Variants in CCSER1 observed in about 807,000 individuals in gnomAD.
The protein encoded by CCSER1 is coiled-coil serine rich protein 1, also known as serine-rich coiled-coil domain-containing protein 1.
CCSER1 carries 41 observed loss-of-function variants against 82.0 expected under a neutral mutation model. The observed-to-expected ratio is 0.50, with a 90% CI of 0.39 to 0.65. The LOEUF (loss-of-function observed/expected upper bound fraction) is 0.65. Among genes scored for constraint, CCSER1 ranks in the 30% least tolerant of loss-of-function variants. The pLI is 0.00. For synonymous variants in CCSER1, 414 were observed against 383.9 expected (o/e 1.08, Z -0.92); for missense variants, 1,119 against 1,064.2 (o/e 1.05, Z -0.72).
chr4:91,075,940 C>A (rs563461655), intron 9 of CCSER1, among the ~76,000 whole-genome samples: 27 of 152,206 alleles, frequency 1.8e-4, no homozygotes, highest in African/African-American at 6.3e-4. Context: ...ACAGTTGATA[C>A]TTCCCTAACA....
chr4:91,012,481 G>A (rs1739072618), intron 9 of CCSER1, among the ~76,000 whole-genome samples: 1 of 88,544 alleles, frequency 1.1e-5, no homozygotes, highest in Non-Finnish European at 3.1e-5. Flanking sequence ...TTTCAACTCA[G>A]TCCTGAGGGA....
chr4:90,554,461 G>A (rs1223251802), intron 5 of CCSER1, among the ~76,000 whole-genome samples: 5 of 152,144 alleles, frequency 3.3e-5, no homozygotes, highest in Non-Finnish European at 5.9e-5. Flanking sequence ...TTTAAATACC[G>A]AAAATATTTC....
At chr4:91,587,301 T>C (rs535567887) in intron 10 of CCSER1, among the ~76,000 whole-genome samples, 2 of 151,848 alleles carry the variant, frequency 1.3e-5, no homozygotes, top group South Asian at 2.1e-4. Context: ...CTGTTGAAAA[T>C]ACAGAAGACA....
intron 10 of CCSER1, among the ~76,000 whole-genome samples, chr4:91,271,070 A>G (rs1247285916): frequency 6.6e-6 from 1 of 152,084 alleles, no homozygotes; most frequent in African/African-American, 2.4e-5. Context: ...ATATATTAAT[A>G]TATTAAATAT....
At chr4:91,525,724 G>A (rs1516701) in intron 10 of CCSER1, among the ~76,000 whole-genome samples, 102,979 of 151,792 alleles carry the variant, frequency 0.68, 35,572 homozygotes, top group African/African-American at 0.81. Flanking sequence ...CTTACTCCAA[G>A]TACACTCTAC....
At chr4:91,295,100 C>A (rs1464616715) in intron 10 of CCSER1, among the ~76,000 whole-genome samples, 1 of 151,920 alleles carries the variant, frequency 6.6e-6, no homozygotes, top group African/African-American at 2.4e-5. Flanking sequence ...ATATGGCAAA[C>A]CCTTTAATTT....
At chr4:90,312,030 T>G (rs1277018791) in intron 2 of CCSER1, among the ~76,000 whole-genome samples, 1 of 152,172 alleles carries the variant, frequency 6.6e-6, no homozygotes, top group Non-Finnish European at 1.5e-5. Flanking sequence ...AATAAAGGCT[T>G]AGGAAGCAGA....
chr4:91,306,874 T>C (rs2149247515), intron 10 of CCSER1, among the ~76,000 whole-genome samples: 1 of 152,158 alleles, frequency 6.6e-6, no homozygotes, highest in Non-Finnish European at 1.5e-5. Context: ...CCTTTTGTTT[T>C]TTTTCTGCTG....
intron 10 of CCSER1, among the ~76,000 whole-genome samples, chr4:91,135,446 T>A (rs1474257009): frequency 6.6e-6 from 1 of 152,212 alleles, no homozygotes; most frequent in Non-Finnish European, 1.5e-5. Context: ...ATTGTTAAAA[T>A]TTGAATGGAG....
At chr4:90,455,472 A>G (rs1762044613) in intron 4 of CCSER1, among the ~76,000 whole-genome samples, 1 of 152,164 alleles carries the variant, frequency 6.6e-6, no homozygotes, top group Admixed American at 6.5e-5. Context: ...GTGATTCAGG[A>G]TGCAGTCAAG....
At chr4:91,160,448 C>T (rs868342416) in intron 10 of CCSER1, among the ~76,000 whole-genome samples, 4 of 152,114 alleles carry the variant, frequency 2.6e-5, no homozygotes, top group Non-Finnish European at 5.9e-5. Flanking sequence ...ATTTCTAGTT[C>T]TAGATCATTG....
At chr4:90,770,882 A>C (rs1209601720) in intron 7 of CCSER1, among the ~76,000 whole-genome samples, 1 of 152,206 alleles carries the variant, frequency 6.6e-6, no homozygotes, top group East Asian at 1.9e-4. Context: ...TAGTTTACTA[A>C]GTCTGAATAG....
intron 2 of CCSER1, 139 bp downstream of exon 2, chr4:90,309,747 T>A (rs1734970136): frequency 6.2e-6 from 4 of 650,158 alleles, no homozygotes; most frequent in Non-Finnish European, 1.0e-5. Flanking sequence ...ATTCATAATT[T>A]GTGTTAAATG....
At chr4:90,882,410 C>T (rs1297327666) in intron 8 of CCSER1, among the ~76,000 whole-genome samples, 1 of 151,978 alleles carries the variant, frequency 6.6e-6, no homozygotes, top group Non-Finnish European at 1.5e-5. Flanking sequence ...AGAGCCAAGA[C>T]ACACTTAGTA....
At position 91,262,686 on chromosome 4, in the gene CCSER1, CTT is replaced by C. The variant is rs1252719486; in HGVS notation, c.2217+176694_2217+176695del. 3.3e-5 allele frequency among the ~76,000 whole-genome samples: 5 copies of C among 152,104 alleles called. No individual in the cohort carries two copies. The East Asian group carries it at 9.6e-4, about 29-fold the overall frequency. ...AGAATTTTTAAAAGATCATAAAGCTCTTTAATTATTTTTGATGAGTTTCTAGC... is the reference window on the plus strand; with the variant it reads ...AGAATTTTTAAAAGATCATAAAGCTCTAATTATTTTTGATGAGTTTCTAGC... On this transcript the variant is annotated intron_variant, in intron 10 of 10. Transcript: ENST00000509176.
At chr4:90,220,925 A>G (rs968157993) in intron 1 of CCSER1, among the ~76,000 whole-genome samples, 2 of 152,200 alleles carry the variant, frequency 1.3e-5, no homozygotes, top group Non-Finnish European at 2.9e-5. Context: ...AAATAACTAT[A>G]TAAATATATG....
Position 91,155,492 on chromosome 4 carries a change from G to C in CCSER1, c.2217+69498G>C, listed in dbSNP as rs75503875. On this transcript the variant is annotated intron_variant, in intron 10 of 10. Coordinates refer to ENST00000509176, the MANE Select transcript of CCSER1 (RefSeq NM_001145065.2). ...ACGGACTAATACAAGATATCAAGAAGAACTTTGGAAATAGGAGCCTGTAGC... is the reference window on the plus strand; with the variant it reads ...ACGGACTAATACAAGATATCAAGAACAACTTTGGAAATAGGAGCCTGTAGC... Among the ~76,000 whole-genome samples, 678 of 151,944 alleles carry C rather than the reference G, an allele frequency of 4.5e-3. 9 individuals are homozygous for C. Among genetic ancestry groups the C allele is most frequent in the African/African-American group, 0.016 (647 of 41,490 alleles).
chr4:91,354,675 AAT>A (rs903476071), intron 10 of CCSER1, among the ~76,000 whole-genome samples: 3 of 152,184 alleles, frequency 2.0e-5, no homozygotes, highest in African/African-American at 7.2e-5. Flanking sequence ...TAGGACGAAA[AAT>A]ATGTCAGGGT....
At chr4:90,703,840 A>G (rs1738710095) in intron 6 of CCSER1, among the ~76,000 whole-genome samples, 1 of 152,054 alleles carries the variant, frequency 6.6e-6, no homozygotes, top group Non-Finnish European at 1.5e-5. Flanking sequence ...ATATTCCTCC[A>G]TCCCTTTATT....
Sources: allele counts gnomAD v4.1 joint callset (sites outside exome capture counted in the v4.1 genomes callset), GRCh38; gene constraint gnomAD v4.1.1; transcripts MANE v1.5; gene names NCBI Gene and HGNC (gene_info 2026-07-23, HGNC 2026-07-21).